LIPA: variants seen among roughly 807,000 people sequenced by gnomAD.
LIPA encodes the protein lysosomal acid lipase/cholesteryl ester hydrolase.
A neutral mutation model predicts 40.6 loss-of-function variants in LIPA; 26 were observed. The ratio of observed to expected loss-of-function variants is 0.64; its 90% confidence interval spans 0.47 to 0.89. LIPA has a LOEUF of 0.89. LIPA is among the 40% of genes least tolerant of loss of function. LIPA has a pLI of 0.00. For synonymous variants in LIPA, 188 were observed against 168.4 expected, an observed-to-expected ratio of 1.12 and a Z score of -0.90; for missense variants, 455 against 479.6, an observed-to-expected ratio of 0.95 and a Z score of 0.48.
intron 1 of LIPA, chr10:89,332,544 G>C: frequency 1.2e-6 from 2 of 1,613,408 alleles, no homozygotes; most frequent in Non-Finnish European, 1.7e-6. Context: ...AACCTCTTCA[G>C]CATTTGCTTG....
chr10:89,413,749 A>G (rs1164797125), intron 1 of LIPA, among the ~76,000 whole-genome samples: 1 of 147,580 alleles, frequency 6.8e-6, no homozygotes, highest in Non-Finnish European at 1.5e-5. Flanking sequence ...CCTGAGTGAC[A>G]GAGTGAGACC....
chr10:89,250,103 C>CTTTTTTTTTTTT, intron 1 of LIPA, among the ~76,000 whole-genome samples: 2 of 94,058 alleles, frequency 2.1e-5, no homozygotes, highest in Non-Finnish European at 4.0e-5. Context: ...CTTTTCTTTT[C>CTTTTTTTTTTTT]TTTCTTTTTT....
chr10:89,298,345 G>C (rs1197474992), intron 1 of LIPA, among the ~76,000 whole-genome samples: 1 of 152,218 alleles, frequency 6.6e-6, no homozygotes, highest in Non-Finnish European at 1.5e-5. Context: ...CCTGTTCCCA[G>C]TAAAATGTCA....
intron 1 of LIPA, among the ~76,000 whole-genome samples, chr10:89,269,400 A>G (rs1843254085): frequency 6.6e-6 from 1 of 152,184 alleles, no homozygotes; most frequent in African/African-American, 2.4e-5. Flanking sequence ...TGGTAATTTC[A>G]CTAGGATCAT....
At chr10:89,374,354 CT>C (rs1564802189) in intron 2 of LIPA, among the ~76,000 whole-genome samples, 7 of 152,162 alleles carry the variant, frequency 4.6e-5, no homozygotes, top group African/African-American at 1.4e-4. Context: ...CTCTCTCTCT[CT>C]CTCTCTTACA....
At chr10:89,339,165 A>C (rs1195282583) in intron 1 of LIPA, 2 of 1,614,188 alleles carry the variant, frequency 1.2e-6, no homozygotes, top group Non-Finnish European at 1.7e-6. Context: ...CCAACAACCC[A>C]GAATTCTCCT....
intron 4 of LIPA, 136 bp downstream of exon 4, chr10:89,228,064 A>G: frequency 1.4e-6 from 1 of 737,746 alleles, no homozygotes; most frequent in Non-Finnish European, 2.4e-6. Flanking sequence ...AACATTTAAA[A>G]CCTTTCAAAA....
chr10:89,394,427 A>G (rs1276451997), intron 2 of LIPA, among the ~76,000 whole-genome samples: 1 of 151,960 alleles, frequency 6.6e-6, no homozygotes, highest in African/African-American at 2.4e-5. Flanking sequence ...ATGGATCAGG[A>G]TCTCTACATT....
At chr10:89,217,655 G>A (rs1027409724) in intron 8 of LIPA, among the ~76,000 whole-genome samples, 5 of 152,150 alleles carry the variant, frequency 3.3e-5, no homozygotes, top group African/African-American at 1.2e-4. Flanking sequence ...TATTTCAAAA[G>A]AAAAGTATTA....
chr10:89,266,968 A>G (rs1375051521), intron 1 of LIPA, among the ~76,000 whole-genome samples: 1 of 152,260 alleles, frequency 6.6e-6, no homozygotes, highest in East Asian at 1.9e-4. Flanking sequence ...TAGTCTATCC[A>G]GGACAGAGAA....
chr10:89,302,999 T>C (rs1162598757), intron 1 of LIPA, among the ~76,000 whole-genome samples: 1 of 140,276 alleles, frequency 7.1e-6, no homozygotes, highest in African/African-American at 2.9e-5. Context: ...CTAAATGTTC[T>C]GCCTGATTTC....
intron 2 of LIPA, among the ~76,000 whole-genome samples, chr10:89,348,958 C>T (rs540478087): frequency 3.5e-4 from 54 of 152,274 alleles, no homozygotes; most frequent in African/African-American, 1.3e-3. Context: ...ATTAGTAATC[C>T]TTTTCTGGGG....
chr10:89,243,010 G>C (rs938538042), intron 3 of LIPA, among the ~76,000 whole-genome samples: 1 of 152,162 alleles, frequency 6.6e-6, no homozygotes, highest in Non-Finnish European at 1.5e-5. Flanking sequence ...GGTCAAGAAT[G>C]ATTCTGCAGA....
chr10:89,230,461 C>T (rs904449660), intron 3 of LIPA, among the ~76,000 whole-genome samples: 2 of 152,154 alleles, frequency 1.3e-5, no homozygotes, highest in African/African-American at 4.8e-5. Flanking sequence ...CGTGCACCAA[C>T]ACACCCAGCT....
intron 3 of LIPA, among the ~76,000 whole-genome samples, chr10:89,234,559 C>T (rs1199284462): frequency 2.0e-5 from 3 of 152,132 alleles, no homozygotes; most frequent in Non-Finnish European, 4.4e-5. Context: ...TGGGTGAATA[C>T]AAAAGGGAAT....
chr10:89,412,464 A>T (rs1841476933), intron 2 of LIPA, among the ~76,000 whole-genome samples: 1 of 152,206 alleles, frequency 6.6e-6, no homozygotes. Context: ...ACCAATCAGC[A>T]GGATATGGGT....
intron 2 of LIPA, among the ~76,000 whole-genome samples, chr10:89,366,636 C>T (rs1211076397): frequency 2.6e-5 from 4 of 152,210 alleles, no homozygotes; most frequent in African/African-American, 7.2e-5. Context: ...TACTATCTCA[C>T]ACCAGTTAGA....
chr10:89,279,932 A>G (rs907481492), intron 1 of LIPA, among the ~76,000 whole-genome samples: 1 of 152,238 alleles, frequency 6.6e-6, no homozygotes, highest in Non-Finnish European at 1.5e-5. Flanking sequence ...AAACCCACAC[A>G]ATTGTACAAA....
chr10:89,303,718 ACT>A (rs1444686329), intron 1 of LIPA, among the ~76,000 whole-genome samples: 2 of 152,092 alleles, frequency 1.3e-5, no homozygotes, highest in East Asian at 1.9e-4. Context: ...AATTCTATTT[ACT>A]CTCTCTGTTT....
Sources: allele counts gnomAD v4.1 joint callset (sites outside exome capture counted in the v4.1 genomes callset), GRCh38; gene constraint gnomAD v4.1.1; transcripts MANE v1.5; gene names NCBI Gene and HGNC (gene_info 2026-07-23, HGNC 2026-07-21).